RBMS1: variants seen among roughly 807,000 people sequenced by gnomAD.
RBMS1 encodes RNA-binding motif, single-stranded-interacting protein 1.
RBMS1 carries 17 observed loss-of-function variants against 62.3 expected under a neutral mutation model. That is an observed-to-expected ratio of 0.27 (90% CI 0.19 to 0.41). The LOEUF (loss-of-function observed/expected upper bound fraction) is 0.41. Among genes scored for constraint, RBMS1 ranks in the 10% least tolerant of loss-of-function variants. The pLI, the probability that RBMS1 is intolerant of heterozygous loss-of-function variation, is 1.00. For synonymous variants in RBMS1, 172 were observed against 170.0 expected (o/e 1.01, Z -0.09); for missense variants, 334 against 504.5 (o/e 0.66, Z 3.24).
chr2:160,454,032 TTGTAATGACCTCTA>T (rs1271350745), intron 1 of RBMS1, among the ~76,000 whole-genome samples: 6 of 152,202 alleles, frequency 3.9e-5, no homozygotes, highest in Non-Finnish European at 1.5e-5. Context: ...ACACAAGCCC[TTGTAATGACCTCTA>T]TGTTTATCTC....
At chr2:160,469,835 G>A (rs536239451) in intron 1 of RBMS1, among the ~76,000 whole-genome samples, 4 of 152,276 alleles carry the variant, frequency 2.6e-5, no homozygotes, top group East Asian at 1.9e-4. Flanking sequence ...TAAAGGAGAC[G>A]AAAAGTTGAC....
At chr2:160,313,694 G>C (rs1173021138) in intron 3 of RBMS1, among the ~76,000 whole-genome samples, 1 of 152,120 alleles carries the variant, frequency 6.6e-6, no homozygotes, top group Non-Finnish European at 1.5e-5. Flanking sequence ...TTATTTTGTA[G>C]ATAAACTTGT....
chr2:160,426,957 AAAGT>A (rs1303208346), intron 1 of RBMS1, among the ~76,000 whole-genome samples: 2 of 152,202 alleles, frequency 1.3e-5, no homozygotes, highest in African/African-American at 2.4e-5. Context: ...TTTTGTTACC[AAAGT>A]AAGGCCGGAA....
At chr2:160,481,173 A>G (rs1276167945) in intron 1 of RBMS1, among the ~76,000 whole-genome samples, 1 of 151,970 alleles carries the variant, frequency 6.6e-6, no homozygotes, top group Non-Finnish European at 1.5e-5. Context: ...AATTCAAAGA[A>G]GGAAATGTCT....
At chr2:160,492,037 A>G (rs1380018803) in intron 1 of RBMS1, among the ~76,000 whole-genome samples, 1 of 152,178 alleles carries the variant, frequency 6.6e-6, no homozygotes, top group Non-Finnish European at 1.5e-5. Context: ...AGTACATGAA[A>G]ACGTGGACCA....
intron 1 of RBMS1, among the ~76,000 whole-genome samples, chr2:160,422,565 C>T (rs1696475981): frequency 6.6e-6 from 1 of 152,126 alleles, no homozygotes; most frequent in South Asian, 2.1e-4. Flanking sequence ...TCTTTATTCT[C>T]CCATCCTCTA....
intron 2 of RBMS1, among the ~76,000 whole-genome samples, chr2:160,331,206 G>C (rs1411252067): frequency 6.6e-6 from 1 of 152,168 alleles, no homozygotes; most frequent in African/African-American, 2.4e-5. Context: ...TGTTACAGCA[G>C]TCTTAACAAA....
At chr2:160,395,194 A>G (rs1695070450) in intron 1 of RBMS1, among the ~76,000 whole-genome samples, 2 of 152,384 alleles carry the variant, frequency 1.3e-5, no homozygotes, top group Admixed American at 1.3e-4. Context: ...ACTACATAGT[A>G]TGTAGTGTTT....
At chr2:160,458,871 GGAGAAAT>G (rs949610735) in intron 1 of RBMS1, among the ~76,000 whole-genome samples, 2 of 151,996 alleles carry the variant, frequency 1.3e-5, no homozygotes, top group African/African-American at 4.8e-5. Context: ...GCACAGTTAT[GGAGAAAT>G]GGCTTACTGG....
intron 7 of RBMS1, among the ~76,000 whole-genome samples, chr2:160,286,698 C>T (rs899959279): frequency 2.0e-5 from 3 of 152,146 alleles, no homozygotes; most frequent in Non-Finnish European, 4.4e-5. Flanking sequence ...TTAGAATGCT[C>T]TTTTACTTCA....
intron 1 of RBMS1, among the ~76,000 whole-genome samples, chr2:160,480,248 C>T (rs1177520645): frequency 1.3e-5 from 2 of 151,924 alleles, no homozygotes; most frequent in East Asian, 3.9e-4. Flanking sequence ...TAAACAAAGC[C>T]ATCAAATAAA....
intron 2 of RBMS1, among the ~76,000 whole-genome samples, chr2:160,346,544 T>A (rs1351123513): frequency 6.6e-6 from 1 of 152,160 alleles, no homozygotes; most frequent in Non-Finnish European, 1.5e-5. Flanking sequence ...TCTCATGTTG[T>A]AAAACTGGAA....
At chr2:160,486,106 A>G (rs555736801) in intron 1 of RBMS1, among the ~76,000 whole-genome samples, 63 of 152,286 alleles carry the variant, frequency 4.1e-4, no homozygotes, top group African/African-American at 1.4e-3. Flanking sequence ...TTGTAATTCT[A>G]CTGGTAAGGG....
intron 1 of RBMS1, among the ~76,000 whole-genome samples, chr2:160,464,449 C>T (rs1267851279): frequency 1.3e-5 from 2 of 151,986 alleles, no homozygotes; most frequent in Admixed American, 6.5e-5. Flanking sequence ...TATTAACATA[C>T]AAAAATGTAG....
At chr2:160,466,286 C>T (rs1237732648) in intron 1 of RBMS1, among the ~76,000 whole-genome samples, 1 of 151,874 alleles carries the variant, frequency 6.6e-6, no homozygotes, top group Non-Finnish European at 1.5e-5. Context: ...TAAATGTATT[C>T]AATAAATTAT....
intron 1 of RBMS1, among the ~76,000 whole-genome samples, chr2:160,372,333 GC>G (rs913991864): frequency 2.0e-5 from 3 of 151,806 alleles, no homozygotes; most frequent in African/African-American, 4.8e-5. Context: ...CACCCCTGTT[GC>G]CCCTACACCC....
intron 6 of RBMS1, among the ~76,000 whole-genome samples, chr2:160,288,514 C>T (rs532798390): frequency 5.8e-4 from 89 of 152,154 alleles, no homozygotes; most frequent in Non-Finnish European, 1.1e-3. Context: ...TTCTTCTTTC[C>T]CTGGTGTGAA....
chr2:160,394,434 C>T (rs912797057), intron 1 of RBMS1, among the ~76,000 whole-genome samples: 6 of 152,130 alleles, frequency 3.9e-5, no homozygotes, highest in African/African-American at 1.4e-4. Flanking sequence ...ATGAGAAAGA[C>T]AAAACAAATT....
intron 2 of RBMS1, among the ~76,000 whole-genome samples, chr2:160,361,955 C>T (rs940102248): frequency 1.3e-5 from 2 of 152,150 alleles, no homozygotes; most frequent in African/African-American, 4.8e-5. Context: ...AGAGTGGTGG[C>T]GGCTGAAGGA....
Sources: allele counts gnomAD v4.1 joint callset (sites outside exome capture counted in the v4.1 genomes callset), GRCh38; gene constraint gnomAD v4.1.1; transcripts MANE v1.5; gene names NCBI Gene and HGNC (gene_info 2026-07-23, HGNC 2026-07-21).